Variants in TPST1 observed in about 807,000 individuals in gnomAD.
The protein encoded by TPST1 is protein-tyrosine sulfotransferase 1.
TPST1 carries 20 observed loss-of-function variants against 34.8 expected under a neutral mutation model. The observed-to-expected ratio is 0.57, with a 90% CI of 0.40 to 0.84. TPST1 has a LOEUF of 0.84. Among genes scored for constraint, TPST1 ranks in the 40% least tolerant of loss-of-function variants. The probability of loss-of-function intolerance (pLI) is 0.00; values close to 1 mark genes in which losing one functional copy is unlikely to be tolerated. For missense variants in TPST1, 353 were observed against 455.5 expected, an observed-to-expected ratio of 0.78 and a Z score of 2.05; for synonymous variants, 152 against 159.4, an observed-to-expected ratio of 0.95 and a Z score of 0.35.
In TPST1 at chr7:66,263,269, T is replaced by C. The variant is rs1701732488; in HGVS notation, c.845+21999T>C. Among the ~76,000 whole-genome samples, 3 of 152,150 alleles carry C rather than the reference T, an allele frequency of 2.0e-5. No individual in the cohort carries two copies. In the South Asian group the frequency reaches 6.2e-4, roughly 32 times the overall value. On this transcript the variant is annotated intron_variant, in intron 2 of 5. Coordinates refer to ENST00000304842, the MANE Select transcript of TPST1 (RefSeq NM_003596.4). ...AACACTTGAACAATTTCAAGGCTGT[T>C]TTGTAGTATTGACAAAATTTAATAC...
chr7:66,268,110 G>A (rs963137905), intron 2 of TPST1, among the ~76,000 whole-genome samples: 7 of 151,882 alleles, frequency 4.6e-5, no homozygotes, highest in Non-Finnish European at 7.4e-5. Context: ...GTGCCACCAC[G>A]CCCAGCTAAT....
At chr7:66,311,414 C>T (rs1298814611) in intron 3 of TPST1, among the ~76,000 whole-genome samples, 1 of 152,150 alleles carries the variant, frequency 6.6e-6, no homozygotes, top group Non-Finnish European at 1.5e-5. Flanking sequence ...GCTGGGATTA[C>T]AGGAGTGAGC....
intron 1 of TPST1, among the ~76,000 whole-genome samples, chr7:66,220,675 TGGTG>T (rs1216244087): frequency 1.1e-4 from 1 of 8,756 alleles, no homozygotes; most frequent in African/African-American, 4.8e-4. Context: ...TGTGTGGGGG[TGGTG>T]GGTGGGTGGG....
At chr7:66,274,289 C>G (rs1297079358) in intron 2 of TPST1, among the ~76,000 whole-genome samples, 1 of 150,822 alleles carries the variant, frequency 6.6e-6, no homozygotes, top group Admixed American at 6.6e-5. Flanking sequence ...GGCGTGAACC[C>G]GGGAGGTGGA....
At chr7:66,235,293 C>G (rs1423097034) in intron 1 of TPST1, among the ~76,000 whole-genome samples, 1 of 151,704 alleles carries the variant, frequency 6.6e-6, no homozygotes, top group African/African-American at 2.4e-5. Flanking sequence ...TCACGTCACG[C>G]CATTCTCCTG....
intron 3 of TPST1, among the ~76,000 whole-genome samples, chr7:66,298,267 ATT>A (rs1791243002): frequency 6.6e-6 from 1 of 152,050 alleles, no homozygotes; most frequent in South Asian, 2.1e-4. Flanking sequence ...AAAATTATGA[ATT>A]TTTCAAATTT....
chr7:66,350,149 G>A (rs2116377716), intron 3 of TPST1, among the ~76,000 whole-genome samples: 1 of 152,268 alleles, frequency 6.6e-6, no homozygotes, highest in South Asian at 2.1e-4. Flanking sequence ...GAGTAGCTGG[G>A]ATTACAGGCG....
intron 3 of TPST1, among the ~76,000 whole-genome samples, chr7:66,314,944 C>T (rs556518143): frequency 1.3e-5 from 2 of 152,288 alleles, no homozygotes; most frequent in South Asian, 4.1e-4. Context: ...TCAGGCTTTA[C>T]ACTCTAGATG....
At chr7:66,340,640 A>G (rs1792218309) in intron 3 of TPST1, among the ~76,000 whole-genome samples, 2 of 152,202 alleles carry the variant, frequency 1.3e-5, no homozygotes, top group African/African-American at 4.8e-5. Context: ...TCCCATTTAC[A>G]TAGCTACAAA....
chr7:66,245,182 G>A (rs1790122110), intron 2 of TPST1, among the ~76,000 whole-genome samples: 1 of 152,194 alleles, frequency 6.6e-6, no homozygotes, highest in African/African-American at 2.4e-5. Context: ...AAATTATTCA[G>A]TGATACCTGC....
chr7:66,278,932 T>C (rs1584202184), intron 2 of TPST1, among the ~76,000 whole-genome samples: 3 of 152,184 alleles, frequency 2.0e-5, no homozygotes, highest in African/African-American at 7.2e-5. Flanking sequence ...AACACATCGC[T>C]TTTTTCTTTC....
intron 4 of TPST1, among the ~76,000 whole-genome samples, chr7:66,355,864 C>T (rs1792571619): frequency 6.9e-6 from 1 of 145,762 alleles, no homozygotes; most frequent in Non-Finnish European, 1.5e-5. Context: ...GAGATTGCGC[C>T]ACTGCATTCC....
intron 1 of TPST1, among the ~76,000 whole-genome samples, chr7:66,228,736 A>G (rs1483743647): frequency 4.6e-5 from 7 of 152,200 alleles, no homozygotes; most frequent in Non-Finnish European, 1.0e-4. Flanking sequence ...TTCCTCTGCT[A>G]TAAATTATTT....
intron 5 of TPST1, 62 bp downstream of exon 5, chr7:66,356,933 G>T (rs1792594250): frequency 6.4e-7 from 1 of 1,562,694 alleles, no homozygotes; most frequent in African/African-American, 1.3e-5. Context: ...GCAGGGGGCT[G>T]GGTGGCCAAG....
intron 5 of TPST1, chr7:66,358,916 G>A (rs1792635245): frequency 6.6e-6 from 1 of 152,266 alleles, no homozygotes; most frequent in Non-Finnish European, 1.5e-5. Context: ...CTTGTGTGTG[G>A]AGGTTGGGAG....
chr7:66,298,129 C>T (rs997424188), intron 3 of TPST1, among the ~76,000 whole-genome samples: 1 of 151,998 alleles, frequency 6.6e-6, no homozygotes, highest in African/African-American at 2.4e-5. Context: ...CTTATGTGAT[C>T]AGTTGAAAAA....
At chr7:66,212,517 T>C (rs536789877) in intron 1 of TPST1, among the ~76,000 whole-genome samples, 37 of 151,120 alleles carry the variant, frequency 2.4e-4, no homozygotes, top group Admixed American at 5.3e-4. Context: ...TGGAGTGCAA[T>C]GATATGATCT....
chr7:66,251,552 A>G (rs990642385), intron 2 of TPST1, among the ~76,000 whole-genome samples: 5 of 152,206 alleles, frequency 3.3e-5, no homozygotes, highest in African/African-American at 1.2e-4. Context: ...TCTTGAAGTC[A>G]TGAAATGTTT....
chr7:66,227,551 T>A (rs1789685467), intron 1 of TPST1, among the ~76,000 whole-genome samples: 3 of 151,998 alleles, frequency 2.0e-5, no homozygotes, highest in African/African-American at 7.2e-5. Flanking sequence ...GCTTCCCCAG[T>A]CCTTTTGTTT....
Sources: allele counts gnomAD v4.1 joint callset (sites outside exome capture counted in the v4.1 genomes callset), GRCh38; gene constraint gnomAD v4.1.1; transcripts MANE v1.5; gene names NCBI Gene and HGNC (gene_info 2026-07-23, HGNC 2026-07-21).